Variants in ABTB3 observed in about 807,000 individuals in gnomAD.
ABTB3 encodes ankyrin repeat- and BTB/POZ domain-containing protein 3.
At chr12:107,442,129 C>G in the ABTB3 span, among the ~76,000 whole-genome samples, 41,569 of 152,024 alleles carry the variant, frequency 0.27, 7,105 homozygotes, top group African/African-American at 0.48. Context: ...TCTTATTCTT[C>G]AGGGCAGCGA....
At chr12:107,503,507 C>G in the ABTB3 span, among the ~76,000 whole-genome samples, 2 of 151,952 alleles carry the variant, frequency 1.3e-5, no homozygotes, top group African/African-American at 4.8e-5. Context: ...TGGCTCACAC[C>G]TGTAATCCCA....
the ABTB3 span, among the ~76,000 whole-genome samples, chr12:107,351,948 T>C: frequency 5.9e-5 from 9 of 152,150 alleles, no homozygotes; most frequent in African/African-American, 2.2e-4. Context: ...TGATATGAAA[T>C]CCTGTGTGTC....
chr12:107,344,202 T>C, the ABTB3 span, among the ~76,000 whole-genome samples: 2 of 152,188 alleles, frequency 1.3e-5, no homozygotes, highest in African/African-American at 4.8e-5. Flanking sequence ...AGTCAGTCTT[T>C]CTTTTAAGCA....
chr12:107,597,966 A>G, the ABTB3 span, among the ~76,000 whole-genome samples: 1 of 152,246 alleles, frequency 6.6e-6, no homozygotes, highest in African/African-American at 2.4e-5. Context: ...GAGTAATTAC[A>G]ACAGAGACCA....
At chr12:107,518,609 G>T in the ABTB3 span, among the ~76,000 whole-genome samples, 2 of 119,878 alleles carry the variant, frequency 1.7e-5, no homozygotes, top group South Asian at 3.5e-4. Flanking sequence ...GTCATGGGGT[G>T]GGGGGAGGGG....
the ABTB3 span, among the ~76,000 whole-genome samples, chr12:107,587,839 T>G: frequency 0.32 from 49,317 of 151,802 alleles, 9,267 homozygotes; most frequent in African/African-American, 0.53. Flanking sequence ...TCCAAAGAGG[T>G]GAATTGGGAA....
the ABTB3 span, among the ~76,000 whole-genome samples, chr12:107,482,788 T>C: frequency 2.0e-5 from 3 of 151,740 alleles, no homozygotes; most frequent in Admixed American, 2.0e-4. Flanking sequence ...CTTCCTTCCT[T>C]CCTTCCTTCT....
chr12:107,350,485 G>A, the ABTB3 span, among the ~76,000 whole-genome samples: 4 of 151,818 alleles, frequency 2.6e-5, no homozygotes, highest in African/African-American at 9.7e-5. Flanking sequence ...CCCAGGAGGC[G>A]GAGCTTGCAG....
chr12:107,417,299 C>T, the ABTB3 span, among the ~76,000 whole-genome samples: 2 of 152,156 alleles, frequency 1.3e-5, no homozygotes, highest in Non-Finnish European at 2.9e-5. Context: ...AACTGGGTGG[C>T]TCAGCATAGC....
the ABTB3 span, among the ~76,000 whole-genome samples, chr12:107,389,469 C>T: frequency 1.3e-5 from 2 of 152,164 alleles, no homozygotes; most frequent in African/African-American, 4.8e-5. Flanking sequence ...ACACCTGAGC[C>T]TACACACTTC....
At chr12:107,540,520 G>A in the ABTB3 span, among the ~76,000 whole-genome samples, 23 of 152,070 alleles carry the variant, frequency 1.5e-4, no homozygotes, top group Middle Eastern at 3.4e-3. Context: ...CAGTCAAGTC[G>A]ACTCCTAAAA....
At chr12:107,618,501 C>A in the ABTB3 span, 1 of 801,160 alleles carries the variant, frequency 1.2e-6, no homozygotes, top group Non-Finnish European at 1.9e-6. Flanking sequence ...CACACACGTG[C>A]ACACACACAC....
chr12:107,612,105 G>A, the ABTB3 span, among the ~76,000 whole-genome samples: 2 of 152,198 alleles, frequency 1.3e-5, no homozygotes, highest in African/African-American at 2.4e-5. Flanking sequence ...TGTGAGAAAA[G>A]TCTCTAATTT....
chr12:107,533,574 T>C, the ABTB3 span, among the ~76,000 whole-genome samples: 1 of 152,192 alleles, frequency 6.6e-6, no homozygotes, highest in Non-Finnish European at 1.5e-5. Flanking sequence ...AGCAAGAGAA[T>C]ATAACAGTTT....
the ABTB3 span, among the ~76,000 whole-genome samples, chr12:107,535,541 G>A: frequency 6.6e-6 from 1 of 152,124 alleles, no homozygotes; most frequent in Non-Finnish European, 1.5e-5. Flanking sequence ...CCAAAAAACT[G>A]TTAGAACTGA....
the ABTB3 span, among the ~76,000 whole-genome samples, chr12:107,397,275 T>C: frequency 0.22 from 32,932 of 152,168 alleles, 3,726 homozygotes; most frequent in Admixed American, 0.29. Context: ...CCACCGGTCC[T>C]TGGTATTATT....
At chr12:107,596,881 G>A in the ABTB3 span, among the ~76,000 whole-genome samples, 1 of 152,148 alleles carries the variant, frequency 6.6e-6, no homozygotes, top group Non-Finnish European at 1.5e-5. Context: ...TCGCTGGGTT[G>A]CTTTTAAATA....
At chr12:107,389,834 ATGTGTGTGTGTTTGTGTGTGTG>A in the ABTB3 span, among the ~76,000 whole-genome samples, 530 of 101,964 alleles carry the variant, frequency 5.2e-3, 5 homozygotes, top group African/African-American at 0.021. Flanking sequence ...ATGCTGGGGC[ATGTGTGTGTGTTTGTGTGTGTG>A]TGTGTGTGTG....
chr12:107,367,153 C>T, the ABTB3 span, among the ~76,000 whole-genome samples: 18 of 152,200 alleles, frequency 1.2e-4, no homozygotes, highest in African/African-American at 1.2e-4. Context: ...GTGCCTTCCC[C>T]GGATCACAGT....
Sources: gnomAD v4.1 joint callset for allele counts (sites outside exome capture counted in the v4.1 genomes callset) on GRCh38, gnomAD v4.1.1 for gene constraint, MANE v1.5 for transcripts, NCBI Gene and HGNC (gene_info 2026-07-23, HGNC 2026-07-21) for gene names.